The following GALNT13 variants were observed in gnomAD, a reference collection of about 807,000 sequenced individuals.
GALNT13 encodes UDP-GalNAc:polypeptide N-acetylgalactosaminyltransferase 13.
In GALNT13, 28 loss-of-function variants were observed where a neutral mutation model predicts 64.2. The ratio of observed to expected loss-of-function variants is 0.44; its 90% CI spans 0.32 to 0.60. GALNT13 has a LOEUF of 0.60. Among genes scored for constraint, GALNT13 ranks in the 20% least tolerant of loss-of-function variants. The pLI, the probability that GALNT13 is intolerant of heterozygous loss-of-function variation, is 0.05. For missense variants in GALNT13, 577 were observed against 669.8 expected, an observed-to-expected ratio of 0.86 and a Z score of 1.53; for synonymous variants, 214 against 224.6, an observed-to-expected ratio of 0.95 and a Z score of 0.42.
the GALNT13 span, among the ~76,000 whole-genome samples, chr2:153,240,196 A>G: frequency 6.6e-6 from 1 of 151,150 alleles, no homozygotes; most frequent in African/African-American, 2.4e-5. Flanking sequence ...TTTTATTTGG[A>G]TCTTCTCTCT....
chr2:154,323,030 T>C (rs1393550345), intron 9 of GALNT13, among the ~76,000 whole-genome samples: 2 of 151,866 alleles, frequency 1.3e-5, no homozygotes, highest in Non-Finnish European at 2.9e-5. Context: ...CTAGAGCAAA[T>C]GTTTCAAGGG....
At chr2:154,273,405 G>C (rs1421652762) in intron 8 of GALNT13, among the ~76,000 whole-genome samples, 1 of 152,096 alleles carries the variant, frequency 6.6e-6, no homozygotes, top group Non-Finnish European at 1.5e-5. Flanking sequence ...AAGTCTATAG[G>C]ATCACAAATA....
chr2:154,132,675 C>A (rs534393389), intron 3 of GALNT13, among the ~76,000 whole-genome samples: 1 of 151,456 alleles, frequency 6.6e-6, no homozygotes, highest in South Asian at 2.1e-4. Context: ...CACCTGAGGT[C>A]AGGAGTTCAA....
chr2:153,928,927 A>C (rs997802214), intron 2 of GALNT13, among the ~76,000 whole-genome samples: 5 of 152,166 alleles, frequency 3.3e-5, no homozygotes, highest in Admixed American at 3.3e-4. Context: ...CATTCTCTGT[A>C]AATTTATCTC....
chr2:153,983,076 A>G (rs1192915732), intron 3 of GALNT13, among the ~76,000 whole-genome samples: 1 of 151,996 alleles, frequency 6.6e-6, no homozygotes, highest in Non-Finnish European at 1.5e-5. Context: ...CTAAAAAGCG[A>G]TATTGAAATA....
At chr2:153,964,170 G>A (rs1040658730) in intron 3 of GALNT13, among the ~76,000 whole-genome samples, 1 of 151,958 alleles carries the variant, frequency 6.6e-6, no homozygotes, top group Admixed American at 6.6e-5. Flanking sequence ...ATTTTTGGCC[G>A]GGTCCTAGTG....
chr2:154,303,266 T>C (rs1693547114), intron 9 of GALNT13, among the ~76,000 whole-genome samples: 1 of 152,096 alleles, frequency 6.6e-6, no homozygotes, highest in East Asian at 2.0e-4. Flanking sequence ...CGCGATTTTA[T>C]AGGCAGGCTT....
At chr2:154,348,801 C>T (rs988404013) in intron 9 of GALNT13, among the ~76,000 whole-genome samples, 4 of 151,872 alleles carry the variant, frequency 2.6e-5, no homozygotes, top group South Asian at 2.1e-4. Context: ...TCTAGCGCTC[C>T]GGAGTTTGCA....
At chr2:154,009,793 G>T (rs1696504887) in intron 3 of GALNT13, among the ~76,000 whole-genome samples, 1 of 152,110 alleles carries the variant, frequency 6.6e-6, no homozygotes, top group Admixed American at 6.6e-5. Flanking sequence ...CTATCTATGA[G>T]CATGGAATGC....
At chr2:153,232,697 A>G in the GALNT13 span, among the ~76,000 whole-genome samples, 5 of 152,238 alleles carry the variant, frequency 3.3e-5, no homozygotes, top group South Asian at 2.1e-4. Flanking sequence ...CAGATTCTCA[A>G]TATTTGGAAT....
chr2:153,926,208 A>T (rs1038792913), intron 2 of GALNT13: 1 of 152,060 alleles, frequency 6.6e-6, no homozygotes, highest in South Asian at 2.1e-4. Flanking sequence ...TCTAGGGTCC[A>T]AGTATATGTT....
the GALNT13 span, among the ~76,000 whole-genome samples, chr2:153,122,828 A>T: frequency 6.6e-6 from 1 of 152,124 alleles, no homozygotes; most frequent in African/African-American, 2.4e-5. Flanking sequence ...CCTCCCCCCA[A>T]AAATATATTA....
chr2:153,206,339 A>G, the GALNT13 span, among the ~76,000 whole-genome samples: 2 of 152,084 alleles, frequency 1.3e-5, no homozygotes, highest in Non-Finnish European at 2.9e-5. Flanking sequence ...TTCTTATTTC[A>G]TGGCTAAAGG....
the GALNT13 span, among the ~76,000 whole-genome samples, chr2:153,696,367 C>T: frequency 3.3e-5 from 5 of 152,108 alleles, no homozygotes; most frequent in African/African-American, 1.2e-4. Context: ...TTAGATGGTG[C>T]CCACCTAGAA....
At chr2:153,715,832 C>CTT in the GALNT13 span, among the ~76,000 whole-genome samples, 3 of 147,048 alleles carry the variant, frequency 2.0e-5, no homozygotes, top group Admixed American at 6.8e-5. Context: ...TCTTCTTCTT[C>CTT]CTTTTTTTTT....
At chr2:153,243,213 A>G in the GALNT13 span, among the ~76,000 whole-genome samples, 1 of 152,150 alleles carries the variant, frequency 6.6e-6, no homozygotes, top group Non-Finnish European at 1.5e-5. Context: ...GTTGCCTGTA[A>G]TGGAATGCAT....
the GALNT13 span, among the ~76,000 whole-genome samples, chr2:153,549,893 A>G: frequency 6.6e-6 from 1 of 152,176 alleles, no homozygotes; most frequent in Non-Finnish European, 1.5e-5. Context: ...TCTTCTTTAT[A>G]TCCTCCTTTT....
chr2:153,205,349 A>G, the GALNT13 span, among the ~76,000 whole-genome samples: 3 of 151,980 alleles, frequency 2.0e-5, no homozygotes, highest in South Asian at 4.1e-4. Context: ...TGCTGATCTA[A>G]TGTCACTTCC....
At chr2:153,826,967 T>C in the GALNT13 span, among the ~76,000 whole-genome samples, 3 of 152,114 alleles carry the variant, frequency 2.0e-5, no homozygotes, top group Non-Finnish European at 4.4e-5. Flanking sequence ...TTTTTTGACA[T>C]GTTCATTTTG....
Sources: gnomAD v4.1 joint callset for allele counts (sites outside exome capture counted in the v4.1 genomes callset) on GRCh38, gnomAD v4.1.1 for gene constraint, MANE v1.5 for transcripts, NCBI Gene and HGNC (gene_info 2026-07-23, HGNC 2026-07-21) for gene names.